PALLD: variants seen among roughly 807,000 people sequenced by gnomAD.
PALLD encodes the protein palladin.
In PALLD, 61 loss-of-function variants were observed where a neutral mutation model predicts 123.5. The ratio of observed to expected loss-of-function variants is 0.49; its 90% CI spans 0.40 to 0.61. PALLD has a LOEUF of 0.61. Ranked by LOEUF, PALLD falls within the 20% of genes least tolerant of loss-of-function variation. The probability of loss-of-function intolerance (pLI) is 0.00; values close to 1 mark genes in which losing one functional copy is unlikely to be tolerated. For missense variants in PALLD, 1,273 were observed against 1,377.0 expected, an observed-to-expected ratio of 0.92 and a Z score of 1.20; for synonymous variants, 465 against 496.4, an observed-to-expected ratio of 0.94 and a Z score of 0.84.
intron 8 of PALLD, among the ~76,000 whole-genome samples, chr4:168,696,711 A>T (rs575640203): frequency 6.6e-6 from 1 of 152,266 alleles, no homozygotes; most frequent in Non-Finnish European, 1.5e-5. Flanking sequence ...AGGGGAGGAC[A>T]CTTGTAAAAC....
intron 2 of PALLD, among the ~76,000 whole-genome samples, chr4:168,557,770 T>G (rs1767471014): frequency 6.6e-6 from 1 of 152,174 alleles, no homozygotes; most frequent in African/African-American, 2.4e-5. Flanking sequence ...CTGAGCTTGT[T>G]GTGGTATGAG....
rs573912848 is a variant in PALLD at position 168,561,426 on chromosome 4, T to C, written c.908+49014T>C. On this transcript the variant is annotated intron_variant, in intron 2 of 21. Coordinates refer to ENST00000505667, the MANE Select transcript of PALLD (RefSeq NM_001166108.2). ...ACAGGCTACTACAGAGAATGGACCA[T>C]TGTGCTCAGCTAATTTTTAAATTTT... Among the ~76,000 whole-genome samples, 18 of 152,064 alleles carry C rather than the reference T, an allele frequency of 1.2e-4. No individual in the cohort carries two copies. The South Asian group carries it at 3.5e-3, about 30-fold the overall frequency.
At chr4:168,684,790 C>T in intron 5 of PALLD, among the ~76,000 whole-genome samples, 1 of 152,154 alleles carries the variant, frequency 6.6e-6, no homozygotes. Context: ...TGTCCTGTGG[C>T]ATATTTAGAC....
rs2150493197 is a variant in PALLD, at chr4:168,770,006, T to G, written c.1964+58083T>G. On this transcript the variant is annotated intron_variant, in intron 10 of 21. Coordinates refer to ENST00000505667, the MANE Select transcript of PALLD (RefSeq NM_001166108.2). ...ACAGGCAGACATCCAAATCTACTCT[T>G]TTTACTTGAAGGGAAACAGTGCTAT... Among the ~76,000 whole-genome samples, 2 of 152,258 alleles carry G rather than the reference T, an allele frequency of 1.3e-5. 1 individual carries two copies. The highest frequency in any genetic ancestry group is 4.2e-4 in the South Asian group (2 of 4,818).
intron 2 of PALLD, among the ~76,000 whole-genome samples, chr4:168,589,557 T>C (rs1013162190): frequency 1.5e-5 from 2 of 133,518 alleles, no homozygotes; most frequent in African/African-American, 5.1e-5. Flanking sequence ...CACCAAAAAC[T>C]ATAGATCTAC....
rs898396217 is a variant in PALLD, at chr4:168,631,986, G to A, written c.909-36204G>A. On this transcript the variant is annotated intron_variant, in intron 2 of 21. Coordinates refer to ENST00000505667, the MANE Select transcript of PALLD (RefSeq NM_001166108.2). ...GGCAGTGGCATGCAAGTACTCGTGC[G>A]AAGAGTACTGTTTGGGGTGTTTAGT... 63 of 767,238 alleles carry A rather than the reference G, an allele frequency of 8.2e-5. No individual in the cohort carries two copies. The African/African-American group carries it at 1.2e-3, about 14-fold the overall frequency. The allele number at this position is 767,238 out of a possible 1,614,324, so 47.5% of individuals were successfully genotyped here.
At chr4:168,593,223 T>C (rs925603194) in intron 2 of PALLD, among the ~76,000 whole-genome samples, 12 of 152,032 alleles carry the variant, frequency 7.9e-5, no homozygotes, top group Non-Finnish European at 1.5e-4. Flanking sequence ...TCTCCATTCT[T>C]CTAAACTCTC....
chr4:168,598,286 T>A (rs1164748907), intron 2 of PALLD: 2 of 422,028 alleles, frequency 4.7e-6, no homozygotes, highest in Non-Finnish European at 9.4e-6. Flanking sequence ...TTCTACAAGA[T>A]CTGAAACATC....
chr4:168,831,318 A>G (rs1206659341), intron 10 of PALLD, among the ~76,000 whole-genome samples: 3 of 147,712 alleles, frequency 2.0e-5, no homozygotes, highest in Non-Finnish European at 3.0e-5. Flanking sequence ...AAAATAAGTG[A>G]CTCAGGGCCT....
intron 10 of PALLD, among the ~76,000 whole-genome samples, chr4:168,748,515 A>G (rs1022982408): frequency 5.3e-5 from 8 of 152,186 alleles, no homozygotes; most frequent in Admixed American, 5.2e-4. Context: ...ACAGATTACC[A>G]TGAATTTAGT....
At chr4:168,536,923 G>A (rs576278121) in intron 2 of PALLD, among the ~76,000 whole-genome samples, 2 of 152,130 alleles carry the variant, frequency 1.3e-5, no homozygotes, top group Non-Finnish European at 2.9e-5. Flanking sequence ...CACCTCCGGG[G>A]TTCAAGCTAT....
chr4:168,709,811 C>T (rs139951031), intron 9 of PALLD, among the ~76,000 whole-genome samples: 409 of 151,928 alleles, frequency 2.7e-3, no homozygotes, highest in Middle Eastern at 0.014. Context: ...AGATAATGAT[C>T]GTGTAGCAAC....
chr4:168,907,369 TG>T (rs1264591950), intron 15 of PALLD, among the ~76,000 whole-genome samples: 2 of 152,136 alleles, frequency 1.3e-5, no homozygotes, highest in Non-Finnish European at 2.9e-5. Flanking sequence ...CAATTTGGGA[TG>T]GAATTTCTAC....
intron 2 of PALLD, among the ~76,000 whole-genome samples, chr4:168,534,360 A>G (rs1049462990): frequency 1.3e-5 from 2 of 152,256 alleles, no homozygotes; most frequent in Non-Finnish European, 2.9e-5. Context: ...GTCAGAGGAC[A>G]TATCAGCAGT....
chr4:168,556,286 G>A (rs1238420657), intron 2 of PALLD, among the ~76,000 whole-genome samples: 1 of 152,066 alleles, frequency 6.6e-6, no homozygotes, highest in East Asian at 1.9e-4. Context: ...TAGTAGAAAC[G>A]GGGCTTCACC....
chr4:168,530,447 A>G (rs1764497678), intron 2 of PALLD: 1 of 152,224 alleles, frequency 6.6e-6, no homozygotes, highest in Non-Finnish European at 1.5e-5. Flanking sequence ...AGAGAGAGAT[A>G]GACACCTGCA....
intron 10 of PALLD, among the ~76,000 whole-genome samples, chr4:168,802,751 CA>C (rs1177314103): frequency 2.6e-5 from 4 of 151,892 alleles, no homozygotes; most frequent in Non-Finnish European, 5.9e-5. Flanking sequence ...AGTGCAATGG[CA>C]CCATGTCGGC....
chr4:168,876,811 C>T (rs1011906084), intron 10 of PALLD, among the ~76,000 whole-genome samples: 1 of 152,088 alleles, frequency 6.6e-6, no homozygotes, highest in Admixed American at 6.5e-5. Context: ...GTGCCGCCTT[C>T]TGTTGAAGTT....
intron 10 of PALLD, among the ~76,000 whole-genome samples, chr4:168,739,547 A>G (rs1214681908): frequency 1.3e-5 from 2 of 152,212 alleles, no homozygotes; most frequent in East Asian, 3.8e-4. Context: ...TATATTTCAG[A>G]ATAGCTAGTA....
Sources: allele counts gnomAD v4.1 joint callset (sites outside exome capture counted in the v4.1 genomes callset), GRCh38; gene constraint gnomAD v4.1.1; transcripts MANE v1.5; gene names NCBI Gene and HGNC (gene_info 2026-07-23, HGNC 2026-07-21).